LRMDA: variants seen among roughly 807,000 people sequenced by gnomAD.
LRMDA encodes leucine rich melanocyte differentiation associated.
Under a neutral mutation model 29.8 loss-of-function variants are expected in LRMDA, and 18 were observed. The ratio of observed to expected loss-of-function variants is 0.60; its 90% confidence interval spans 0.42 to 0.90. The LOEUF (loss-of-function observed/expected upper bound fraction) is 0.90, where lower values mean the gene tolerates loss of function less well. Among genes scored for constraint, LRMDA ranks in the 40% least tolerant of loss-of-function variants. LRMDA has a pLI of 0.00. For synonymous variants in LRMDA, 125 were observed against 109.4 expected (o/e 1.14, Z -0.89); for missense variants, 273 against 273.9 (o/e 1.00, Z 0.02).
chr10:76,120,081 C>T (rs746738307), intron 5 of LRMDA, among the ~76,000 whole-genome samples: 19 of 152,068 alleles, frequency 1.2e-4, no homozygotes, highest in Non-Finnish European at 1.5e-4. Context: ...CCCTTTGACT[C>T]AATTACCTGT....
chr10:76,116,470 C>T (rs1010633407), intron 5 of LRMDA, among the ~76,000 whole-genome samples: 1 of 152,078 alleles, frequency 6.6e-6, no homozygotes, highest in Non-Finnish European at 1.5e-5. Context: ...CCCCAGGCTT[C>T]CTATTTCCGG....
chr10:76,516,782 G>A (rs928548967), intron 6 of LRMDA, among the ~76,000 whole-genome samples: 38 of 152,080 alleles, frequency 2.5e-4, no homozygotes, highest in African/African-American at 7.7e-4. Context: ...TTGCTATTGC[G>A]AATAGTGCCA....
intron 5 of LRMDA, among the ~76,000 whole-genome samples, chr10:76,271,653 G>T (rs1399125636): frequency 1.3e-5 from 2 of 152,104 alleles, no homozygotes; most frequent in African/African-American, 2.4e-5. Flanking sequence ...CAGAAAACAG[G>T]CTTGGACATT....
intron 6 of LRMDA, among the ~76,000 whole-genome samples, chr10:76,540,528 A>T (rs535271445): frequency 6.6e-6 from 1 of 152,358 alleles, no homozygotes; most frequent in East Asian, 1.9e-4. Flanking sequence ...AGAAGTGCTC[A>T]CACATCATTT....
At chr10:75,834,544 C>A (rs77698280) in intron 2 of LRMDA, among the ~76,000 whole-genome samples, 1 of 152,204 alleles carries the variant, frequency 6.6e-6, no homozygotes, top group Admixed American at 6.5e-5. Context: ...CTCCACTTAT[C>A]TTTTCCTTCT....
intron 2 of LRMDA, among the ~76,000 whole-genome samples, chr10:75,556,355 G>A (rs1452431606): frequency 6.6e-6 from 1 of 152,108 alleles, no homozygotes; most frequent in African/African-American, 2.4e-5. Flanking sequence ...TCTTTCAAGG[G>A]CATACAGATA....
chr10:75,931,887 A>G (rs182249284), intron 2 of LRMDA, among the ~76,000 whole-genome samples: 137 of 152,256 alleles, frequency 9.0e-4, no homozygotes, highest in African/African-American at 3.0e-3. Context: ...AACCCAAACC[A>G]TCATATCCTA....
At chr10:76,017,170 G>T (rs945131196) in intron 2 of LRMDA, among the ~76,000 whole-genome samples, 7 of 152,236 alleles carry the variant, frequency 4.6e-5, no homozygotes, top group African/African-American at 1.7e-4. Flanking sequence ...CACATGTGTG[G>T]GGCGGACGCC....
Position 75,973,021 on chromosome 10 carries a change from A to ACAGCAGCAGCAGCAGCAGCAGCAG in LRMDA, c.132-62958_132-62935dup, listed in dbSNP as rs3042539. Among the ~76,000 whole-genome samples, 1,008 of 148,950 alleles carry ACAGCAGCAGCAGCAGCAGCAGCAG rather than the reference A, an allele frequency of 6.8e-3. 12 individuals are homozygous for ACAGCAGCAGCAGCAGCAGCAGCAG. Among genetic ancestry groups the ACAGCAGCAGCAGCAGCAGCAGCAG allele is most frequent in the Middle Eastern group, 0.027 (8 of 292 alleles). On this transcript the variant is annotated intron_variant, in intron 2 of 6. Transcript: ENST00000611255. ...CTTTCAGGACAAAACCACTTTAACA[A>ACAGCAGCAGCAGCAGCAGCAGCAG]CAGCAGCAGCAGCAGCAGCAGCAGC...
chr10:75,669,964 C>T (rs1212529793), intron 2 of LRMDA, among the ~76,000 whole-genome samples: 1 of 152,042 alleles, frequency 6.6e-6, no homozygotes, highest in Non-Finnish European at 1.5e-5. Flanking sequence ...TTTTTTATAG[C>T]AACATAAAAT....
At chr10:76,113,225 T>C (rs1849609864) in intron 5 of LRMDA, among the ~76,000 whole-genome samples, 1 of 151,966 alleles carries the variant, frequency 6.6e-6, no homozygotes, top group South Asian at 2.1e-4. Context: ...CGTTGAAATA[T>C]TCAGAAGCAT....
chr10:76,537,316 G>A (rs1843301801), intron 6 of LRMDA, among the ~76,000 whole-genome samples: 1 of 152,170 alleles, frequency 6.6e-6, no homozygotes, highest in South Asian at 2.1e-4. Context: ...GCACATGTGT[G>A]CACACACACA....
chr10:76,118,425 A>G (rs1849703337), intron 5 of LRMDA, among the ~76,000 whole-genome samples: 1 of 152,034 alleles, frequency 6.6e-6, no homozygotes, highest in Non-Finnish European at 1.5e-5. Context: ...TTATTACCCA[A>G]TCAGAGTGTG....
At chr10:76,069,627 TG>T (rs1848843754) in intron 5 of LRMDA, among the ~76,000 whole-genome samples, 1 of 149,904 alleles carries the variant, frequency 6.7e-6, no homozygotes, top group African/African-American at 2.5e-5. Context: ...TTTTTTGAAG[TG>T]GGGGATATGT....
At chr10:76,218,943 A>G (rs1162976872) in intron 5 of LRMDA, among the ~76,000 whole-genome samples, 1 of 152,196 alleles carries the variant, frequency 6.6e-6, no homozygotes, top group Non-Finnish European at 1.5e-5. Flanking sequence ...AGGAAACAGA[A>G]TCTATGCAGC....
intron 6 of LRMDA, among the ~76,000 whole-genome samples, chr10:76,393,541 T>G (rs2132486715): frequency 6.6e-6 from 1 of 152,234 alleles, no homozygotes; most frequent in South Asian, 2.1e-4. Flanking sequence ...GTTTGAGTCC[T>G]TATACATTTT....
intron 6 of LRMDA, among the ~76,000 whole-genome samples, chr10:76,415,154 C>T (rs1316498863): frequency 1.3e-5 from 2 of 152,240 alleles, no homozygotes; most frequent in African/African-American, 4.8e-5. Flanking sequence ...TTGAGCATGT[C>T]TTCAATACAT....
At chr10:76,197,940 G>A (rs1034758202) in intron 5 of LRMDA, among the ~76,000 whole-genome samples, 11 of 151,886 alleles carry the variant, frequency 7.2e-5, no homozygotes, top group African/African-American at 2.7e-4. Flanking sequence ...AAAATTGTTA[G>A]TAGTTCCACT....
At chr10:75,786,322 T>A (rs1011033729) in intron 2 of LRMDA, among the ~76,000 whole-genome samples, 1 of 152,138 alleles carries the variant, frequency 6.6e-6, no homozygotes, top group Non-Finnish European at 1.5e-5. Flanking sequence ...AGTTGGGTAT[T>A]TGGGGCTCCA....
Sources: gnomAD v4.1 joint callset for allele counts (sites outside exome capture counted in the v4.1 genomes callset) on GRCh38, gnomAD v4.1.1 for gene constraint, MANE v1.5 for transcripts, NCBI Gene and HGNC (gene_info 2026-07-23, HGNC 2026-07-21) for gene names.